MACF1: variants seen among roughly 807,000 people sequenced by gnomAD.
MACF1 encodes microtubule-actin cross-linking factor 1.
A neutral mutation model predicts 854.8 loss-of-function variants in MACF1; 193 were observed. The ratio of observed to expected loss-of-function variants is 0.23; its 90% CI spans 0.20 to 0.25. The LOEUF (loss-of-function observed/expected upper bound fraction) is 0.25. Ranked by LOEUF, MACF1 falls within the 10% of genes least tolerant of loss-of-function variation. MACF1 has a pLI of 1.00. For missense variants in MACF1, 7,722 were observed against 8,929.1 expected (o/e 0.86, Z 5.45); for synonymous variants, 3,185 against 3,226.7 (o/e 0.99, Z 0.44).
intron 2 of MACF1, among the ~76,000 whole-genome samples, chr1:39,137,150 A>T (rs1407336160): frequency 6.6e-6 from 1 of 152,138 alleles, no homozygotes; most frequent in Non-Finnish European, 1.5e-5. Context: ...GCTCACTGCA[A>T]CCACCACCTC....
rs752459204 is a variant in MACF1, at chr1:39,283,397, A to G, written c.809-12A>G. ...GTTCTGACTAAGAAATTTCTTGTCCATTCTCTCTCAGATGTGGATGTGCCA... is the reference window on the plus strand; with the variant it reads ...GTTCTGACTAAGAAATTTCTTGTCCGTTCTCTCTCAGATGTGGATGTGCCA... On this transcript the variant is annotated splice_polypyrimidine_tract_variant and intron_variant, in intron 8 of 100. Transcript: ENST00000564288. This position sits in a 1 kb window ranked among gnomAD's most constrained non-coding sequence, Gnocchi z 4.5. 2 of 1,598,924 alleles carry G rather than the reference A, an allele frequency of 1.3e-6. No homozygotes were observed. Among genetic ancestry groups the G allele is most frequent in the East Asian group, 2.2e-5 (1 of 44,812 alleles).
At chr1:39,355,887 C>T (rs1240116913) in intron 44 of MACF1, among the ~76,000 whole-genome samples, 2 of 152,002 alleles carry the variant, frequency 1.3e-5, no homozygotes, top group East Asian at 3.8e-4. Context: ...TTTTAAGAGA[C>T]AGTCTTGCTA....
At chr1:39,107,690 C>A (rs150433104) in intron 2 of MACF1, among the ~76,000 whole-genome samples, 1 of 152,254 alleles carries the variant, frequency 6.6e-6, no homozygotes, top group East Asian at 1.9e-4. Flanking sequence ...GAGCTGGAAT[C>A]TATAGAGTGA....
At chr1:39,372,706 C>CA in intron 52 of MACF1, 110 bp downstream of exon 52, 1 of 772,890 alleles carries the variant, frequency 1.3e-6, no homozygotes, top group Non-Finnish European at 2.2e-6. Flanking sequence ...GATATGAAAA[C>CA]AAAGGGCATG....
intron 6 of MACF1, among the ~76,000 whole-genome samples, chr1:39,263,897 C>T (rs1191092314): frequency 1.3e-5 from 2 of 150,716 alleles, no homozygotes; most frequent in African/African-American, 2.4e-5. Context: ...CCTCAGCCTC[C>T]CGAGTAGCTG....
In MACF1 at chr1:39,198,257, C is replaced by T. The variant is rs139909478; in HGVS notation, c.221-32925C>T. 1.6e-3 allele frequency among the ~76,000 whole-genome samples: 248 copies of T among 152,092 alleles called. 1 individual carries two copies. Among genetic ancestry groups the T allele is most frequent in the East Asian group, 8.5e-3 (44 of 5,150 alleles). On this transcript the variant is annotated intron_variant, in intron 2 of 93. Transcript: ENST00000361689. ...GGCGCGGTGGCTCATGCCTATAATC[C>T]CAGCAGTTTGGGAGGCCCAGGCGGA...
chr1:39,313,433 C>G (rs762065988), intron 26 of MACF1, among the ~76,000 whole-genome samples: 13 of 152,110 alleles, frequency 8.5e-5, no homozygotes, highest in Non-Finnish European at 1.8e-4. Context: ...TCATAGTTGC[C>G]AAAAGCTGCT....
At chr1:39,322,863 T>A (rs747740003) in intron 32 of MACF1, 47 bp from the exon 33 acceptor site, 1 of 1,576,466 alleles carries the variant, frequency 6.3e-7, no homozygotes, top group African/African-American at 1.3e-5. Context: ...TATTTAAATT[T>A]CATTTTCTGG....
At chr1:39,181,917 C>G (rs1644108707) in intron 2 of MACF1, among the ~76,000 whole-genome samples, 2 of 152,086 alleles carry the variant, frequency 1.3e-5, no homozygotes, top group Admixed American at 6.5e-5. Context: ...CTTTAGCAGG[C>G]AGAGGTAGGT....
In MACF1 at chr1:39,284,390, GA is replaced by G; in HGVS notation, c.1098del (p.Gly367GlufsTer10). 1.2e-6 allele frequency: 2 copies of G among 1,600,668 alleles called. No homozygotes were observed. Among genetic ancestry groups the G allele is most frequent in the Non-Finnish European group, 1.7e-6 (2 of 1,175,344 alleles). On this transcript the variant is annotated frameshift_variant, in exon 11 of 101. Coordinates refer to ENST00000564288, the MANE Select transcript of MACF1 (RefSeq NM_001394062.1). LOFTEE classifies it high-confidence loss of function. The part of the protein sequence containing the change: ...KETEILAKER[E>X]KGRIEELYKL... ...AACAGAAATTCTGGCCAAGGAGAGA[GA>G]AAAAGGAAGAATTGAGGAATTATAT...
chr1:39,373,716 G>A (rs183381658), intron 52 of MACF1, among the ~76,000 whole-genome samples: 3 of 151,784 alleles, frequency 2.0e-5, no homozygotes, highest in Admixed American at 1.3e-4. Flanking sequence ...AGCCAGGCCT[G>A]GTGGCTTGTG....
chr1:39,459,166 C>CT lies in MACF1; in HGVS notation c.21280dup (p.Ser7094PhefsTer20), dbSNP rs752008708. 6.2e-7 allele frequency: 1 copy of CT among 1,614,172 alleles called. No homozygotes were observed. Among genetic ancestry groups the CT allele is most frequent in the Non-Finnish European group, 8.5e-7 (1 of 1,180,012 alleles). On this transcript the variant is annotated frameshift_variant, in exon 91 of 101. Transcript: ENST00000564288. LOFTEE classifies it high-confidence loss of function. The stretch of plus-strand genomic sequence containing the variant: ...AGCAAAAAACCCACGGATCAACCAG[C>CT]TTTCTGCCCGCTGGCAGCAGGTGTG...
chr1:39,146,568 A>G (rs4660475), intron 2 of MACF1, among the ~76,000 whole-genome samples: 24,894 of 152,192 alleles, frequency 0.16, 2,544 homozygotes, highest in Middle Eastern at 0.22. Context: ...ACTGGAGGAC[A>G]TTATGTTAAG....
Position 39,452,269 on chromosome 1 carries a change from C to T in MACF1, c.20532C>T (p.Leu6844=). Residue 6844 remains leucine (L), a synonymous_variant, in exon 86 of 101, where the codon CTC becomes CTT. Coordinates refer to ENST00000564288, the MANE Select transcript of MACF1 (RefSeq NM_001394062.1). ...RDDTTWVKGQ[L]QELSTRWDTV... is the part of the protein sequence containing the mutation. ...ACACCACTTGGGTAAAAGGACAGCT[C>T]CAGGAACTGAGCACTCGCTGGGACA... 1 of 1,614,168 alleles carries T rather than the reference C, an allele frequency of 6.2e-7. No homozygotes were observed. Among genetic ancestry groups the T allele is most frequent in the Non-Finnish European group, 8.5e-7 (1 of 1,180,016 alleles).
chr1:39,436,349 G>A (rs1412464278), intron 70 of MACF1: 6 of 873,398 alleles, frequency 6.9e-6, no homozygotes, highest in Non-Finnish European at 1.1e-5. Flanking sequence ...ACTTACTCAA[G>A]TTTCTCCCCC....
chr1:39,094,600 CCCAGCTACTCGGG>C, intron 2 of MACF1, among the ~76,000 whole-genome samples: 1 of 151,290 alleles, frequency 6.6e-6, no homozygotes, highest in Non-Finnish European at 1.5e-5. Flanking sequence ...TGCCTGTAAT[CCCAGCTACTCGGG>C]AGGCTGAGGC....
intron 2 of MACF1, among the ~76,000 whole-genome samples, chr1:39,126,026 T>C (rs1642851574): frequency 6.6e-6 from 1 of 152,146 alleles, no homozygotes; most frequent in African/African-American, 2.4e-5. Flanking sequence ...CAAAAACATA[T>C]AATTTATGAC....
intron 58 of MACF1, among the ~76,000 whole-genome samples, chr1:39,405,469 G>T (rs1038963303): frequency 4.6e-5 from 7 of 152,234 alleles, no homozygotes; most frequent in African/African-American, 1.7e-4. Context: ...AGGGAAGTGT[G>T]AATCTGGGGT....
At position 39,289,693 on chromosome 1, in the gene MACF1, C is replaced by CTTTTTTTTTTTTTTTTTTT. The variant is rs58188740; in HGVS notation, c.1785+2145_1785+2163dup. Among the ~76,000 whole-genome samples the CTTTTTTTTTTTTTTTTTTT allele has an allele frequency of 5.5e-4, 16 of 28,966 alleles. 6 individuals are homozygous for CTTTTTTTTTTTTTTTTTTT. The highest frequency in any genetic ancestry group is 7.8e-4 in the Non-Finnish European group (13 of 16,774). 19.0% of individuals were successfully genotyped at this position (28,966 alleles called of 152,430 possible). A position where few individuals can be genotyped will look rare whatever the true frequency, so the allele number is the denominator to read the frequency against. Reference sequence around the variant, plus strand: ...ATTTTCTCCCATTCTGTGGGTTGTCCTTTTTTTTTTTTTTTTTTTTTTTTT... The same window carrying CTTTTTTTTTTTTTTTTTTT: ...ATTTTCTCCCATTCTGTGGGTTGTCCTTTTTTTTTTTTTTTTTTTTTTTTTTTTTTTTTTTTTTTTTTTT... On this transcript the variant is annotated intron_variant, in intron 15 of 100. Transcript: ENST00000564288.
Sources: gnomAD v4.1 joint callset for allele counts (sites outside exome capture counted in the v4.1 genomes callset) on GRCh38, gnomAD v4.1.1 for gene constraint, Gnocchi (gnomAD v3.1) non-coding constraint, MANE v1.5 for transcripts, NCBI Gene and HGNC (gene_info 2026-07-23, HGNC 2026-07-21) for gene names.